The following NRG1 variants were observed in gnomAD, a reference collection of about 807,000 sequenced individuals.
NRG1 encodes the protein pro-neuregulin-1, membrane-bound isoform.
In NRG1, 18 loss-of-function variants were observed where a neutral mutation model predicts 63.8. The observed-to-expected ratio is 0.28, with a 90% CI of 0.19 to 0.42. The LOEUF is 0.42. NRG1 is among the 10% of genes least tolerant of loss of function. The pLI, the probability that NRG1 is intolerant of heterozygous loss-of-function variation, is 1.00. For synonymous variants in NRG1, 302 were observed against 301.3 expected, an observed-to-expected ratio of 1.00 and a Z score of -0.02; for missense variants, 762 against 814.7, an observed-to-expected ratio of 0.94 and a Z score of 0.79.
intron 1 of NRG1, among the ~76,000 whole-genome samples, chr8:32,193,452 T>G (rs1842684933): frequency 6.6e-6 from 1 of 152,170 alleles, no homozygotes. Flanking sequence ...CTTTTAATTA[T>G]CTACACTAAT....
chr8:31,904,849 A>G (rs1489910689), intron 1 of NRG1, among the ~76,000 whole-genome samples: 1 of 152,072 alleles, frequency 6.6e-6, no homozygotes, highest in East Asian at 1.9e-4. Flanking sequence ...ATACAAGGGA[A>G]CAGTAGACAC....
At chr8:32,111,406 T>G (rs1832008825) in intron 1 of NRG1, among the ~76,000 whole-genome samples, 1 of 152,160 alleles carries the variant, frequency 6.6e-6, no homozygotes, top group Non-Finnish European at 1.5e-5. Flanking sequence ...CATGAGCCAC[T>G]GCTCCCGGAC....
At chr8:31,714,173 C>A (rs1340592771) in intron 1 of NRG1, among the ~76,000 whole-genome samples, 2 of 152,036 alleles carry the variant, frequency 1.3e-5, no homozygotes, top group Non-Finnish European at 2.9e-5. Flanking sequence ...TCTGTTCTAA[C>A]TTTTATGATT....
At chr8:32,561,491 AT>A (rs1272095317) in intron 1 of NRG1, among the ~76,000 whole-genome samples, 1 of 152,184 alleles carries the variant, frequency 6.6e-6, no homozygotes, top group Non-Finnish European at 1.5e-5. Context: ...GTGAATTAGT[AT>A]AGTATAGTAA....
intron 1 of NRG1, among the ~76,000 whole-genome samples, chr8:31,971,537 GA>G (rs905014220): frequency 8.7e-5 from 13 of 148,898 alleles, no homozygotes; most frequent in East Asian, 2.0e-4. Flanking sequence ...TTCTGAAAAG[GA>G]AAAAAAAATG....
chr8:32,184,966 G>A (rs1841822313), intron 1 of NRG1, among the ~76,000 whole-genome samples: 2 of 152,172 alleles, frequency 1.3e-5, no homozygotes, highest in Admixed American at 1.3e-4. Context: ...TTCTCAGAGA[G>A]ACTCTTCTTT....
At chr8:31,892,313 C>G (rs562617037) in intron 1 of NRG1, among the ~76,000 whole-genome samples, 2 of 152,228 alleles carry the variant, frequency 1.3e-5, no homozygotes, top group South Asian at 4.1e-4. Flanking sequence ...ACTGAAAACT[C>G]TCAATTATCT....
intron 1 of NRG1, among the ~76,000 whole-genome samples, chr8:31,663,604 A>T (rs1017834573): frequency 2.0e-5 from 3 of 152,200 alleles, no homozygotes; most frequent in Non-Finnish European, 4.4e-5. Context: ...ATAAAGCATG[A>T]ATAATTGCAC....
chr8:32,172,161 G>A (rs1004218311), intron 1 of NRG1, among the ~76,000 whole-genome samples: 3 of 152,168 alleles, frequency 2.0e-5, no homozygotes, highest in African/African-American at 7.2e-5. Flanking sequence ...CCAGAGGAGC[G>A]ATCAGGCAGT....
At chr8:32,763,463 A>G in intron 11 of NRG1, 1 of 1,268,136 alleles carries the variant, frequency 7.9e-7, no homozygotes, top group South Asian at 1.5e-5. Flanking sequence ...GTCTTGGCTC[A>G]TATGCCATTA....
chr8:32,398,072 A>G (rs1410211159), intron 1 of NRG1, among the ~76,000 whole-genome samples: 1 of 152,206 alleles, frequency 6.6e-6, no homozygotes, highest in Non-Finnish European at 1.5e-5. Context: ...TGATTCTGCA[A>G]TGAGAATTAG....
At chr8:31,860,348 T>C (rs1408682645) in intron 1 of NRG1, among the ~76,000 whole-genome samples, 1 of 152,178 alleles carries the variant, frequency 6.6e-6, no homozygotes, top group Non-Finnish European at 1.5e-5. Flanking sequence ...CAACAATTTA[T>C]AATAGGAGAG....
intron 1 of NRG1, among the ~76,000 whole-genome samples, chr8:32,569,612 C>G (rs56295331): frequency 6.6e-6 from 1 of 151,988 alleles, no homozygotes; most frequent in Admixed American, 6.6e-5. Flanking sequence ...CTTGTACTTT[C>G]TTTTCTCATT....
intron 1 of NRG1, among the ~76,000 whole-genome samples, chr8:32,118,950 A>G (rs1483362565): frequency 2.6e-5 from 4 of 152,120 alleles, no homozygotes; most frequent in African/African-American, 9.7e-5. Flanking sequence ...AAAAGAGAAA[A>G]TAAAGGGCAA....
chr8:31,839,246 A>C (rs13277654), intron 1 of NRG1, among the ~76,000 whole-genome samples: 4 of 152,226 alleles, frequency 2.6e-5, no homozygotes, highest in Non-Finnish European at 5.9e-5. Context: ...CTTGTTCTAT[A>C]TAAAAACCCC....
intron 1 of NRG1, among the ~76,000 whole-genome samples, chr8:31,729,031 A>T (rs1813742974): frequency 6.6e-6 from 1 of 152,160 alleles, no homozygotes; most frequent in Admixed American, 6.5e-5. Flanking sequence ...TAACGTTTTC[A>T]TTTACAAAAA....
chr8:31,703,208 A>G (rs1433469729), intron 1 of NRG1, among the ~76,000 whole-genome samples: 1 of 151,558 alleles, frequency 6.6e-6, no homozygotes, highest in Admixed American at 6.6e-5. Flanking sequence ...GAATACACAT[A>G]AAGTGTCTGC....
chr8:32,011,259 C>T (rs1380431747), intron 1 of NRG1, among the ~76,000 whole-genome samples: 2 of 152,018 alleles, frequency 1.3e-5, no homozygotes, highest in Non-Finnish European at 1.5e-5. Flanking sequence ...AAATGAGGAC[C>T]ACAAACATTC....
At chr8:32,154,792 A>G (rs1837874949) in intron 1 of NRG1, among the ~76,000 whole-genome samples, 1 of 152,212 alleles carries the variant, frequency 6.6e-6, no homozygotes, top group Admixed American at 6.5e-5. Context: ...TTTCATCAGG[A>G]AACATATTCC....
Sources: allele counts gnomAD v4.1 joint callset (sites outside exome capture counted in the v4.1 genomes callset), GRCh38; gene constraint gnomAD v4.1.1; transcripts MANE v1.5; gene names NCBI Gene and HGNC (gene_info 2026-07-23, HGNC 2026-07-21).